The following PDE8A variants were observed in gnomAD, a reference collection of about 807,000 sequenced individuals.
PDE8A encodes the protein high affinity cAMP-specific and IBMX-insensitive 3',5'-cyclic phosphodiesterase 8A.
A neutral mutation model predicts 105.0 loss-of-function variants in PDE8A; 59 were observed. The ratio of observed to expected loss-of-function variants is 0.56; its 90% CI spans 0.46 to 0.70. The LOEUF (loss-of-function observed/expected upper bound fraction) is 0.70, where lower values mean the gene tolerates loss of function less well. Ranked by LOEUF, PDE8A falls within the 30% of genes least tolerant of loss-of-function variation. The probability of loss-of-function intolerance (pLI) is 0.00; values close to 1 mark genes in which losing one functional copy is unlikely to be tolerated. For synonymous variants in PDE8A, 355 were observed against 371.9 expected (o/e 0.95, Z 0.52); for missense variants, 1,014 against 1,045.9 (o/e 0.97, Z 0.42).
chr15:85,063,552 G>A (rs931202757), intron 1 of PDE8A: 1 of 152,174 alleles, frequency 6.6e-6, no homozygotes, highest in Non-Finnish European at 1.5e-5. Flanking sequence ...TGGTGGTCCT[G>A]AGTTTACAGC....
intron 1 of PDE8A, among the ~76,000 whole-genome samples, chr15:85,038,732 A>G (rs985053978): frequency 6.6e-6 from 1 of 152,188 alleles, no homozygotes; most frequent in African/African-American, 2.4e-5. Flanking sequence ...AGATAAATGG[A>G]AAAAAATGCT....
chr15:85,030,386 C>G (rs988375869), intron 1 of PDE8A, among the ~76,000 whole-genome samples: 1 of 152,040 alleles, frequency 6.6e-6, no homozygotes, highest in African/African-American at 2.4e-5. Context: ...TCACTAGTTT[C>G]CTTTTCCTGT....
intron 19 of PDE8A, among the ~76,000 whole-genome samples, chr15:85,123,417 G>A (rs1004817090): frequency 1.4e-5 from 2 of 147,164 alleles, no homozygotes; most frequent in African/African-American, 5.1e-5. Flanking sequence ...TAACTTACAC[G>A]ATCACAAGGT....
At chr15:85,034,936 G>A (rs886159416) in intron 1 of PDE8A, among the ~76,000 whole-genome samples, 1 of 152,130 alleles carries the variant, frequency 6.6e-6, no homozygotes, top group African/African-American at 2.4e-5. Context: ...TTATAAATAA[G>A]TGACCATTAG....
In PDE8A at chr15:85,091,022, TTTTTC is replaced by T; in HGVS notation, c.715-17_715-13del. The T allele has an allele frequency of 6.3e-7, 1 of 1,592,428 alleles. No individual in the cohort carries two copies. ...AAATGACTTTTAATTCACTTTATGT[TTTTTC>T]TTTTGTCTCCCTTCAGTATGCAAAT... On this transcript the variant is annotated splice_polypyrimidine_tract_variant and intron_variant, in intron 7 of 21. Transcript: ENST00000394553.
At chr15:85,086,426 A>G (rs749647666) in intron 6 of PDE8A, among the ~76,000 whole-genome samples, 1 of 152,260 alleles carries the variant, frequency 6.6e-6, no homozygotes, top group Non-Finnish European at 1.5e-5. Flanking sequence ...TTTGTAACAT[A>G]TAGGACAGAC....
intron 1 of PDE8A, among the ~76,000 whole-genome samples, chr15:84,993,242 G>C (rs2079915528): frequency 6.6e-6 from 1 of 151,580 alleles, no homozygotes. Context: ...AGGAGATCAA[G>C]ACCATCCTGG....
chr15:85,083,504 C>A, intron 5 of PDE8A, 52 bp from the exon 6 acceptor site: 1 of 1,083,896 alleles, frequency 9.2e-7, no homozygotes. Context: ...TTTATTGGCA[C>A]AAATAAAGAA....
At chr15:85,111,967 C>A (rs1485564344) in intron 12 of PDE8A, among the ~76,000 whole-genome samples, 1 of 152,010 alleles carries the variant, frequency 6.6e-6, no homozygotes, top group Non-Finnish European at 1.5e-5. Context: ...GTTTAAATTT[C>A]CAATTGCTTA....
intron 1 of PDE8A, among the ~76,000 whole-genome samples, chr15:85,027,392 G>A (rs914891470): frequency 2.0e-5 from 3 of 152,186 alleles, no homozygotes; most frequent in African/African-American, 4.8e-5. Context: ...CCTCGCCTGA[G>A]CAAGGTGGTG....
intron 1 of PDE8A, among the ~76,000 whole-genome samples, chr15:85,007,501 T>C (rs1029480895): frequency 2.0e-5 from 3 of 151,502 alleles, no homozygotes; most frequent in African/African-American, 7.3e-5. Context: ...ATTAGTACAG[T>C]TACGCTATAT....
chr15:85,064,226 ATCATT>A, intron 1 of PDE8A, 139 bp from the exon 2 acceptor site: 2 of 589,518 alleles, frequency 3.4e-6, no homozygotes, highest in Middle Eastern at 2.8e-4. Context: ...ATTCCTCATA[ATCATT>A]TCATTTATCT....
chr15:85,038,278 C>T (rs1477768301), intron 1 of PDE8A, among the ~76,000 whole-genome samples: 1 of 150,798 alleles, frequency 6.6e-6, no homozygotes, highest in Non-Finnish European at 1.5e-5. Context: ...AGGCATTCTT[C>T]GTATATTGTG....
intron 20 of PDE8A, among the ~76,000 whole-genome samples, chr15:85,132,508 C>T (rs574337538): frequency 2.0e-5 from 3 of 152,132 alleles, no homozygotes; most frequent in African/African-American, 7.2e-5. Flanking sequence ...CTCTGTCGCC[C>T]AAGCTGGAGT....
At chr15:85,069,210 T>C (rs969324692) in intron 3 of PDE8A, among the ~76,000 whole-genome samples, 1 of 152,222 alleles carries the variant, frequency 6.6e-6, no homozygotes, top group African/African-American at 2.4e-5. Context: ...AACAATTTTA[T>C]ATAGTTTTAA....
chr15:85,068,797 A>G lies in PDE8A; in HGVS notation c.434+1593A>G, dbSNP rs1018833503. 2.0e-5 allele frequency among the ~76,000 whole-genome samples: 3 copies of G among 152,170 alleles called. No individual in the cohort carries two copies. The East Asian group carries it at 5.8e-4, about 29-fold the overall frequency. ...CCACAGGTATGTGCTAGGCAATGAA[A>G]GTTCATACTTTTAAAGGTGACTACT... On this transcript the variant is annotated intron_variant, in intron 3 of 21. Coordinates refer to ENST00000394553, the MANE Select transcript of PDE8A (RefSeq NM_002605.3).
chr15:85,009,153 G>C (rs949192458), intron 1 of PDE8A, among the ~76,000 whole-genome samples: 5 of 150,608 alleles, frequency 3.3e-5, no homozygotes, highest in African/African-American at 1.2e-4. Flanking sequence ...GTGATGTTTA[G>C]GGTCTGAGGA....
chr15:85,121,103 AC>A, intron 18 of PDE8A, 89 bp downstream of exon 18: 1 of 847,836 alleles, frequency 1.2e-6, no homozygotes, highest in Non-Finnish European at 1.8e-6. Flanking sequence ...TATACAGTTC[AC>A]CCATTTAAAG....
chr15:85,067,181 G>C lies in PDE8A; in HGVS notation c.411G>C (p.Gln137His), dbSNP rs776063476. 6.2e-7 allele frequency: 1 copy of C among 1,613,764 alleles called. No individual in the cohort carries two copies. Among genetic ancestry groups the C allele is most frequent in the Admixed American group, 1.7e-5 (1 of 59,970 alleles). Residue 137 changes from glutamine to histidine, a missense_variant, in exon 3 of 22, where the codon CAG (glutamine) becomes CAC (histidine). Gln to His is a conservative substitution (Grantham distance 24). Transcript: ENST00000394553. ...TCATAGACCACAGAAATCCTCGACA[G>C]CTGGATGCAGAGGCACTGTGCAGGT... is the stretch of plus-strand genomic sequence containing the variant. ...IIIIDHRNPRQLDAEALCRSI... is the reference protein window; with the variant it reads ...IIIIDHRNPRHLDAEALCRSI...
Sources: gnomAD v4.1 joint callset for allele counts (sites outside exome capture counted in the v4.1 genomes callset) on GRCh38, gnomAD v4.1.1 for gene constraint, MANE v1.5 for transcripts, NCBI Gene and HGNC (gene_info 2026-07-23, HGNC 2026-07-21) for gene names.